Variants in VPS39 observed in about 807,000 individuals in gnomAD.
The protein encoded by VPS39 is vam6/Vps39-like protein.
Under a neutral mutation model 121.0 loss-of-function variants are expected in VPS39, and 70 were observed. That is an observed-to-expected ratio of 0.58 (90% CI 0.48 to 0.71). The LOEUF is 0.71. Ranked by LOEUF, VPS39 falls within the 30% of genes least tolerant of loss-of-function variation. VPS39 has a pLI of 0.00. For missense variants in VPS39, 818 were observed against 1,051.5 expected (o/e 0.78, Z 3.07); for synonymous variants, 378 against 398.1 (o/e 0.95, Z 0.60).
At chr15:42,166,687 TC>T (rs1348777294) in intron 14 of VPS39, 38 bp from the exon 15 acceptor site, 1 of 1,613,828 alleles carries the variant, frequency 6.2e-7, no homozygotes, top group African/African-American at 1.3e-5. Flanking sequence ...ATGAGCCTTT[TC>T]CCCACGGGAG....
chr15:42,171,939 C>T (rs898780007), intron 11 of VPS39, among the ~76,000 whole-genome samples: 1 of 152,142 alleles, frequency 6.6e-6, no homozygotes, highest in Non-Finnish European at 1.5e-5. Context: ...AAACCTCTTT[C>T]TCCACCCCTA....
chr15:42,169,140 C>T (rs2049300569), intron 12 of VPS39, among the ~76,000 whole-genome samples: 1 of 152,138 alleles, frequency 6.6e-6, no homozygotes, highest in Admixed American at 6.5e-5. Context: ...TAAGGAAGTA[C>T]TTTCTCAGTA....
In VPS39 at chr15:42,178,536, A is replaced by C. The variant is rs1423210814; in HGVS notation, c.753T>G (p.Pro251=). 6.2e-7 allele frequency: 1 copy of C among 1,614,070 alleles called. No individual in the cohort carries two copies. Among genetic ancestry groups the C allele is most frequent in the African/African-American group, 1.3e-5 (1 of 74,936 alleles). ...HQPPYIIAVL[P]RYVEIRTFEP... ...CAAATGTTCGGATCTCAACATATCG[A>C]GGCAACACTGCAATGATGTAGGGAG... is the stretch of plus-strand genomic sequence containing the variant. Residue 251 remains proline, a synonymous_variant, in exon 9 of 25, where the codon CCT becomes CCG. Transcript: ENST00000318006.
chr15:42,195,229 T>C (rs1460294498), intron 2 of VPS39, among the ~76,000 whole-genome samples: 1 of 151,934 alleles, frequency 6.6e-6, no homozygotes, highest in Non-Finnish European at 1.5e-5. Flanking sequence ...TCACTTGAGG[T>C]CAGGAATTCC....
chr15:42,186,530 G>A (rs919915349), intron 7 of VPS39, among the ~76,000 whole-genome samples: 1 of 152,204 alleles, frequency 6.6e-6, no homozygotes, highest in African/African-American at 2.4e-5. Flanking sequence ...TACAAGGGGT[G>A]TGAAGCTAAG....
intron 1 of VPS39, among the ~76,000 whole-genome samples, chr15:42,203,376 A>G (rs1422586253): frequency 3.9e-5 from 6 of 152,038 alleles, no homozygotes. Context: ...CAGGAGACTG[A>G]GGCAAGAGAA....
intron 2 of VPS39, among the ~76,000 whole-genome samples, chr15:42,195,382 C>A (rs1306012334): frequency 6.6e-6 from 1 of 152,150 alleles, no homozygotes; most frequent in Non-Finnish European, 1.5e-5. Context: ...CAAGTCCAGC[C>A]TGGGCAATCT....
chr15:42,184,401 A>G, intron 8 of VPS39, 116 bp downstream of exon 8: 1 of 1,083,638 alleles, frequency 9.2e-7, no homozygotes. Context: ...AGGGGAACTG[A>G]AAGTGAATGA....
Position 42,163,575 on chromosome 15 carries a change from C to T in VPS39, c.2129+51G>A, listed in dbSNP as rs1468706335. Reference sequence around the variant, plus strand: ...GGCCTTCTTAACTCTCATCTCTCTGCAGGGCCTGCTTTTAGACTGCTTAGG... The same window carrying T: ...GGCCTTCTTAACTCTCATCTCTCTGTAGGGCCTGCTTTTAGACTGCTTAGG... On this transcript the variant is annotated intron_variant, in intron 20 of 24. Transcript: ENST00000318006. The T allele has an allele frequency of 1.9e-6, 3 of 1,563,824 alleles. No individual in the cohort carries two copies. The African/African-American group carries it at 4.1e-5, about 21-fold the overall frequency.
rs772477919 is a variant in VPS39 at position 42,178,277 on chromosome 15, C to T, written c.901G>A (p.Ala301Thr). The T allele has an allele frequency of 6.2e-7, 1 of 1,614,102 alleles. No homozygotes were observed. Among genetic ancestry groups the T allele is most frequent in the Non-Finnish European group, 8.5e-7 (1 of 1,180,028 alleles). ...FVWRLIPVPM[A>T]TQIQQLLQDK... ...TGGAGAAGTTGTTGGATTTGGGTTG[C>T]CATGGGGACAGGGATGAGTCTCCAA... The change falls in exon 10 of 25, where the codon GCA becomes ACA. Residue 301 changes from alanine (A) to threonine (T), a missense_variant. Ala to Thr is a moderately conservative substitution (Grantham distance 58, BLOSUM62 0). Coordinates refer to ENST00000318006, the MANE Select transcript of VPS39 (RefSeq NM_015289.5).
At chr15:42,169,961 G>T in intron 11 of VPS39, 95 bp from the exon 12 acceptor site, 37 of 1,171,250 alleles carry the variant, frequency 3.2e-5, no homozygotes, top group Non-Finnish European at 3.3e-5. Flanking sequence ...ATAAGTTCCA[G>T]ACTGATTTAA....
intron 1 of VPS39, among the ~76,000 whole-genome samples, chr15:42,205,572 G>A (rs748911294): frequency 1.3e-5 from 2 of 152,220 alleles, no homozygotes; most frequent in Non-Finnish European, 2.9e-5. Flanking sequence ...AGAAGACAGG[G>A]AAGAAATCAG....
At chr15:42,177,162 TAAAAA>T (rs369967285) in intron 10 of VPS39, among the ~76,000 whole-genome samples, 4 of 56,414 alleles carry the variant, frequency 7.1e-5, no homozygotes, top group African/African-American at 6.4e-5. Flanking sequence ...GACCCTGTTT[TAAAAA>T]AAAAAAAAAA....
chr15:42,165,230 C>A, intron 17 of VPS39, 117 bp from the exon 18 acceptor site: 1 of 965,482 alleles, frequency 1.0e-6, no homozygotes, highest in Non-Finnish European at 1.6e-6. Flanking sequence ...CCTAATCGGG[C>A]TGCAAAGATG....
chr15:42,162,585 C>T (rs550837733), intron 21 of VPS39, 104 bp from the exon 22 acceptor site: 1 of 1,332,320 alleles, frequency 7.5e-7, no homozygotes, highest in Non-Finnish European at 9.9e-7. Flanking sequence ...ACAGTAACAG[C>T]TATCACTGAG....
chr15:42,172,023 G>T (rs540126887), intron 11 of VPS39, among the ~76,000 whole-genome samples: 1 of 152,148 alleles, frequency 6.6e-6, no homozygotes, highest in Non-Finnish European at 1.5e-5. Flanking sequence ...ATGATGCAAG[G>T]ATGACAAGTA....
chr15:42,180,449 C>T (rs1019471194), intron 8 of VPS39, among the ~76,000 whole-genome samples: 3 of 152,156 alleles, frequency 2.0e-5, no homozygotes, highest in Admixed American at 6.5e-5. Flanking sequence ...CAGTCCAAAG[C>T]TTAAAATGCT....
chr15:42,179,186 G>A (rs1194861429), intron 8 of VPS39: 5 of 152,342 alleles, frequency 3.3e-5, no homozygotes, highest in African/African-American at 1.2e-4. Flanking sequence ...AGCCAGGCCA[G>A]ACAAAGGCCA....
At chr15:42,189,245 C>A in intron 4 of VPS39, 37 bp from the exon 5 acceptor site, 1 of 1,545,258 alleles carries the variant, frequency 6.5e-7, no homozygotes, top group South Asian at 1.1e-5. Flanking sequence ...GATCAATGAT[C>A]ATAATTCTCT....
Sources: gnomAD v4.1 joint callset for allele counts (sites outside exome capture counted in the v4.1 genomes callset) on GRCh38, gnomAD v4.1.1 for gene constraint, MANE v1.5 for transcripts, NCBI Gene and HGNC (gene_info 2026-07-23, HGNC 2026-07-21) for gene names.